Variants in PAK1 observed in about 807,000 individuals in gnomAD.
The protein encoded by PAK1 is serine/threonine-protein kinase PAK 1.
Under a neutral mutation model 67.4 loss-of-function variants are expected in PAK1, and 29 were observed. That is an observed-to-expected ratio of 0.43 (90% confidence interval 0.32 to 0.59). The LOEUF is 0.59. PAK1 is among the 20% of genes least tolerant of loss of function. The pLI, the probability that PAK1 is intolerant of heterozygous loss-of-function variation, is 0.07. For missense variants in PAK1, 337 were observed against 670.7 expected (o/e 0.50, Z 5.50); for synonymous variants, 223 against 237.4 (o/e 0.94, Z 0.56).
intron 1 of PAK1, among the ~76,000 whole-genome samples, chr11:77,442,847 C>T (rs1364876448): frequency 6.6e-6 from 1 of 152,108 alleles, no homozygotes; most frequent in Non-Finnish European, 1.5e-5. Flanking sequence ...AGCCTCAAGG[C>T]TTGGGGCTTC....
At chr11:77,523,848 AAGCTCC>A in the PAK1 span, among the ~76,000 whole-genome samples, 1 of 152,228 alleles carries the variant, frequency 6.6e-6, no homozygotes, top group South Asian at 2.1e-4. Context: ...CAATCTGGTG[AAGCTCC>A]AGTTTCTCAG....
the PAK1 span, among the ~76,000 whole-genome samples, chr11:77,490,347 ACCCGGCCAG>A: frequency 4.3e-3 from 187 of 43,330 alleles, 1 homozygote; most frequent in African/African-American, 0.017. Context: ...TCAGCCCCCC[ACCCGGCCAG>A]CCGCCCCGTC....
chr11:77,443,305 TA>T (rs11330130), intron 1 of PAK1, among the ~76,000 whole-genome samples: 34,101 of 126,892 alleles, frequency 0.27, 4,364 homozygotes, highest in Non-Finnish European at 0.32. Flanking sequence ...CTCCGTCTCT[TA>T]AAAAAAAAAA....
At chr11:77,529,050 C>T in the PAK1 span, among the ~76,000 whole-genome samples, 1 of 152,176 alleles carries the variant, frequency 6.6e-6, no homozygotes, top group Admixed American at 6.5e-5. Flanking sequence ...TTAGCAACCA[C>T]TGATGATTTT....
At chr11:77,477,171 G>A (rs890918525), upstream of PAK1, 1 of 152,140 alleles carries the variant, frequency 6.6e-6, no homozygotes, top group Non-Finnish European at 1.5e-5. Context: ...TCAGAGATGG[G>A]CTAGAAGTGG....
In PAK1 at chr11:77,448,779, G is replaced by A. The variant is rs75676533; in HGVS notation, c.-22+24773C>T. Among the ~76,000 whole-genome samples, 1,107 of 152,328 alleles carry A rather than the reference G, an allele frequency of 7.3e-3. 10 individuals are homozygous for A. The highest frequency in any genetic ancestry group is 0.02 in the Middle Eastern group (6 of 294). Reference sequence around the variant, plus strand: ...AGCATGAGGAAGGGACTACCCATGGGAAGTTTTTTGTGGAAAGCAAAGTGG... The same window carrying A: ...AGCATGAGGAAGGGACTACCCATGGAAAGTTTTTTGTGGAAAGCAAAGTGG... On this transcript the variant is annotated intron_variant, in intron 1 of 14. Transcript: ENST00000356341.
the PAK1 span, among the ~76,000 whole-genome samples, chr11:77,518,794 T>C: frequency 6.6e-6 from 1 of 152,352 alleles, no homozygotes; most frequent in Non-Finnish European, 1.5e-5. Flanking sequence ...TTGATATACA[T>C]GGACCAGGCT....
At chr11:77,507,272 G>C in the PAK1 span, among the ~76,000 whole-genome samples, 3 of 152,142 alleles carry the variant, frequency 2.0e-5, no homozygotes, top group African/African-American at 7.2e-5. Flanking sequence ...CAGGGGCCAG[G>C]GGGGCTGTCA....
At chr11:77,332,377 GGGAA>G (rs148018442) in intron 14 of PAK1, among the ~76,000 whole-genome samples, 1 of 50 alleles carries the variant, frequency 0.02, no homozygotes, top group African/African-American at 0.083. Context: ...AGGAAGGGAA[GGGAA>G]GGGAAGGGAA....
chr11:77,359,219 AG>A (rs763012975), intron 5 of PAK1, among the ~76,000 whole-genome samples: 4 of 152,064 alleles, frequency 2.6e-5, no homozygotes, highest in Non-Finnish European at 5.9e-5. Flanking sequence ...CTATCCACTC[AG>A]TCCCTTGGGG....
At chr11:77,525,721 T>A in the PAK1 span, among the ~76,000 whole-genome samples, 1 of 152,216 alleles carries the variant, frequency 6.6e-6, no homozygotes, top group Non-Finnish European at 1.5e-5. Flanking sequence ...TACAAAGTGA[T>A]CTTTCTCAGG....
At chr11:77,451,904 C>T (rs562129969) in intron 1 of PAK1, among the ~76,000 whole-genome samples, 3 of 152,212 alleles carry the variant, frequency 2.0e-5, no homozygotes, top group East Asian at 3.9e-4. Flanking sequence ...CGACCTCTCT[C>T]GTTAATGTCT....
chr11:77,508,070 G>C, the PAK1 span, among the ~76,000 whole-genome samples: 7 of 151,958 alleles, frequency 4.6e-5, no homozygotes, highest in Non-Finnish European at 1.0e-4. Flanking sequence ...ACTTTCATCA[G>C]TTCTTAATTT....
chr11:77,355,706 T>C lies in PAK1; in HGVS notation c.734A>G (p.Lys245Arg), dbSNP rs759377668. 1 of 1,613,644 alleles carries C rather than the reference T, an allele frequency of 6.2e-7. No individual in the cohort carries two copies. The highest frequency in any genetic ancestry group is 8.5e-7 in the Non-Finnish European group (1 of 1,179,602). ...GATCTCCTCATCAGACATTTTAGGC[T>C]TCTTCTTCTGCTTCTCAGTATTCCG... ...LTRNTEKQKK[K>R]PKMSDEEILE... The change falls in exon 7 of 15, where the codon AAG becomes AGG. Residue 245 changes from lysine (K) to arginine (R), a missense_variant. Coordinates refer to ENST00000356341, the MANE Select transcript of PAK1 (RefSeq NM_002576.5).
chr11:77,327,862 T>C (rs1940424496), intron 14 of PAK1, among the ~76,000 whole-genome samples: 1 of 152,088 alleles, frequency 6.6e-6, no homozygotes, highest in African/African-American at 2.4e-5. Context: ...GAGTCAGGAC[T>C]CATCAGTGTG....
At chr11:77,516,876 C>T in the PAK1 span, among the ~76,000 whole-genome samples, 3 of 147,216 alleles carry the variant, frequency 2.0e-5, no homozygotes, top group Non-Finnish European at 4.5e-5. Context: ...TGCGGTAGCA[C>T]ATTCCTGTAG....
intron 1 of PAK1, among the ~76,000 whole-genome samples, chr11:77,415,865 A>G (rs747185994): frequency 6.6e-6 from 1 of 152,024 alleles, no homozygotes; most frequent in Admixed American, 6.5e-5. Context: ...TTAATTTTTT[A>G]AAAACATTTT....
intron 2 of PAK1, among the ~76,000 whole-genome samples, chr11:77,390,968 A>T (rs1049028706): frequency 2.0e-5 from 3 of 152,178 alleles, no homozygotes; most frequent in African/African-American, 7.2e-5. Flanking sequence ...AGACATATCT[A>T]TATAAAGACA....
At chr11:77,463,479 G>A (rs945005627) in intron 1 of PAK1, among the ~76,000 whole-genome samples, 1 of 152,060 alleles carries the variant, frequency 6.6e-6, no homozygotes, top group African/African-American at 2.4e-5. Flanking sequence ...TCTTTGAGAG[G>A]GTCCACCTAC....
Sources: gnomAD v4.1 joint callset for allele counts (sites outside exome capture counted in the v4.1 genomes callset) on GRCh38, gnomAD v4.1.1 for gene constraint, MANE v1.5 for transcripts, NCBI Gene and HGNC (gene_info 2026-07-23, HGNC 2026-07-21) for gene names.